Variants in REXO5 observed in about 807,000 individuals in gnomAD.
The protein encoded by REXO5 is RNA exonuclease 5.
REXO5 carries 48 observed loss-of-function variants against 88.5 expected under a neutral mutation model. That is an observed-to-expected ratio of 0.54 (90% CI 0.43 to 0.69). The LOEUF is 0.69. Ranked by LOEUF, REXO5 falls within the 30% of genes least tolerant of loss-of-function variation. The pLI is 0.00. For missense variants in REXO5, 749 were observed against 912.2 expected (o/e 0.82, Z 2.30); for synonymous variants, 311 against 336.5 (o/e 0.92, Z 0.83).
Position 20,831,614 on chromosome 16 carries a change from T to G in REXO5, c.1159-542T>G, listed in dbSNP as rs115592662. On this transcript the variant is annotated intron_variant, in intron 11 of 19. Transcript: ENST00000261377. ...TAAAAAAAAAGTTTATTTTTAAAAT[T>G]TGTAACTTTAAAAATTATTCTCTCT... is the stretch of plus-strand genomic sequence containing the variant. Among the ~76,000 whole-genome samples the G allele has an allele frequency of 2.0e-3, 303 of 152,332 alleles. 2 individuals are homozygous for G. The highest frequency in any genetic ancestry group is 6.9e-3 in the African/African-American group (289 of 41,584).
chr16:20,825,474 A>C (rs2081247091), intron 7 of REXO5: 1 of 165,642 alleles, frequency 6.0e-6, no homozygotes. Context: ...TGGCATATAT[A>C]AAATTCTTAG....
In REXO5 at chr16:20,822,675, T is replaced by C. The variant is rs981855545; in HGVS notation, c.616+773T>C. 1.3e-5 allele frequency among the ~76,000 whole-genome samples: 2 copies of C among 152,244 alleles called. 1 individual carries two copies. The highest frequency in any genetic ancestry group is 4.8e-5 in the African/African-American group (2 of 41,464). On this transcript the variant is annotated intron_variant, in intron 6 of 19. Coordinates refer to ENST00000261377, the MANE Select transcript of REXO5 (RefSeq NM_030941.3). The stretch of plus-strand genomic sequence containing the variant: ...TAAGTGGATGTGCAATATGTGGGCT[T>C]TGTGACTGGCTTCTTTAACTTAGCA...
chr16:20,814,960 C>T lies in REXO5; in HGVS notation c.285C>T (p.Asn95=), dbSNP rs1447082344. 6.2e-7 allele frequency: 1 copy of T among 1,613,550 alleles called. No individual in the cohort carries two copies. The highest frequency in any genetic ancestry group is 1.1e-5 in the South Asian group (1 of 90,896). ...AGCTTTTTCATCAAAACCACCTAAA[C>T]AACGTAGTGGTTTTTGTTCTGCAGG... ...WCQLFHQNHL[N]NVVVFVLQGM... is the part of the protein sequence containing the mutation. Residue 95 remains asparagine, a synonymous_variant, in exon 4 of 20, where the codon AAC becomes AAT. Coordinates refer to ENST00000261377, the MANE Select transcript of REXO5 (RefSeq NM_030941.3).
At chr16:20,838,361 T>G (rs148206580) in intron 13 of REXO5, among the ~76,000 whole-genome samples, 1 of 152,334 alleles carries the variant, frequency 6.6e-6, no homozygotes, top group Non-Finnish European at 1.5e-5. Flanking sequence ...GAAAGAGATC[T>G]TATAACTTTT....
rs544197095 is a variant in REXO5, at chr16:20,819,327, T to C, written c.476-2435T>C. Among the ~76,000 whole-genome samples, 8 of 152,254 alleles carry C rather than the reference T, an allele frequency of 5.3e-5. No homozygotes were observed. The South Asian group carries it at 1.5e-3, about 28-fold the overall frequency. On this transcript the variant is annotated intron_variant, in intron 5 of 19. Transcript: ENST00000261377. ...GATGCTCATAATTTTTTGGCCAGAA[T>C]TATTGTAAAGCCCTTTCTAGCCTCT...
chr16:20,836,346 C>T (rs2081429478), intron 13 of REXO5, among the ~76,000 whole-genome samples: 1 of 152,064 alleles, frequency 6.6e-6, no homozygotes, highest in South Asian at 2.1e-4. Flanking sequence ...ATAATTTTGC[C>T]TGTTTTAGAA....
intron 19 of REXO5, 148 bp downstream of exon 19, chr16:20,846,487 T>G: frequency 1.7e-6 from 1 of 596,996 alleles, no homozygotes. Context: ...AAGATAGGCA[T>G]TGTATTCCCA....
chr16:20,807,605 A>G (rs970691799), intron 2 of REXO5, among the ~76,000 whole-genome samples: 1 of 146,374 alleles, frequency 6.8e-6, no homozygotes, highest in African/African-American at 2.5e-5. Context: ...AAAAAAAAAA[A>G]AAACTGGGAT....
At chr16:20,834,189 A>G (rs2081389209) in intron 13 of REXO5, among the ~76,000 whole-genome samples, 1 of 152,224 alleles carries the variant, frequency 6.6e-6, no homozygotes, top group African/African-American at 2.4e-5. Context: ...TGTTGCATCC[A>G]GAGGCAGTTA....
chr16:20,806,899 G>A (rs904937595), intron 1 of REXO5, 53 bp from the exon 2 acceptor site: 1 of 1,533,312 alleles, frequency 6.5e-7, no homozygotes, highest in Non-Finnish European at 8.8e-7. Context: ...GGCGGCACGC[G>A]GGGGAATAGG....
chr16:20,838,477 G>GC (rs1430233622), intron 13 of REXO5, among the ~76,000 whole-genome samples: 2 of 152,284 alleles, frequency 1.3e-5, no homozygotes, highest in Admixed American at 1.3e-4. Context: ...CCCAGTTGTT[G>GC]TCTTTACAGA....
At chr16:20,844,123 C>A in intron 16 of REXO5, 97 bp downstream of exon 16, 1 of 714,452 alleles carries the variant, frequency 1.4e-6, no homozygotes, top group Non-Finnish European at 2.4e-6. Context: ...TCTCAAGAGG[C>A]CCACGCACAA....
At chr16:20,815,076 T>C in intron 4 of REXO5, 23 bp downstream of exon 4, 2 of 1,600,780 alleles carry the variant, frequency 1.2e-6, no homozygotes, top group Non-Finnish European at 1.7e-6. Context: ...TACTTTGTAC[T>C]AGGGGCTGAG....
intron 5 of REXO5, among the ~76,000 whole-genome samples, chr16:20,820,266 TTACTC>T (rs775994860): frequency 4.6e-5 from 7 of 152,050 alleles, no homozygotes; most frequent in Non-Finnish European, 1.0e-4. Flanking sequence ...CAAACCAAGT[TTACTC>T]TACATTTCTG....
At position 20,825,842 on chromosome 16, in the gene REXO5, T is replaced by A. The variant is rs1283861642; in HGVS notation, c.715T>A (p.Ser239Thr). ...CATGTTGGTCTTTCAGTGCCTCACA[T>A]CCAAGGGGAGAGAGCTAACACGCAT... ...FGLDCEMCLT[S>T]KGRELTRISL... Residue 239 changes from serine to threonine, a missense_variant, in exon 8 of 20, where the codon TCC becomes ACC. Physicochemically the swap from Ser to Thr is moderately conservative, Grantham distance 58. Coordinates refer to ENST00000261377, the MANE Select transcript of REXO5 (RefSeq NM_030941.3). 1 of 1,613,492 alleles carries A rather than the reference T, an allele frequency of 6.2e-7. No homozygotes were observed. Among genetic ancestry groups the A allele is most frequent in the African/African-American group, 1.3e-5 (1 of 75,034 alleles).
chr16:20,844,169 A>C lies in REXO5; in HGVS notation c.1719+143A>C, dbSNP rs996919634. 16 of 603,490 alleles carry C rather than the reference A, an allele frequency of 2.7e-5. No homozygotes were observed. The East Asian group carries it at 2.8e-4, about 11-fold the overall frequency. The allele number at this position is 603,490 out of a possible 1,614,324, so 37.4% of individuals were successfully genotyped here. A position where few individuals can be genotyped will look rare whatever the true frequency, so the allele number is the denominator to read the frequency against. On this transcript the variant is annotated intron_variant, in intron 16 of 19. Transcript: ENST00000261377. Reference sequence around the variant, plus strand: ...TGGAAAGTCTTCAGCCAAGTCTAACATTCTCCTACTGGCAGTGATTGAAGA... The same window carrying C: ...TGGAAAGTCTTCAGCCAAGTCTAACCTTCTCCTACTGGCAGTGATTGAAGA...
At chr16:20,818,210 C>G (rs2081110646) in intron 5 of REXO5, among the ~76,000 whole-genome samples, 1 of 152,136 alleles carries the variant, frequency 6.6e-6, no homozygotes, top group African/African-American at 2.4e-5. Flanking sequence ...CTTCAAAGCC[C>G]TTATCTTACC....
chr16:20,838,752 T>G (rs947353292), intron 13 of REXO5, among the ~76,000 whole-genome samples: 1 of 152,050 alleles, frequency 6.6e-6, no homozygotes, highest in African/African-American at 2.4e-5. Context: ...GCCTTCCGAG[T>G]CACGCAAAAC....
chr16:20,832,100 T>C (rs2081353750), intron 11 of REXO5, 56 bp from the exon 12 acceptor site: 1 of 1,144,064 alleles, frequency 8.7e-7, no homozygotes, highest in Non-Finnish European at 1.3e-6. Flanking sequence ...TTGTATTTAT[T>C]TGAGCATCAA....
Sources: gnomAD v4.1 joint callset for allele counts (sites outside exome capture counted in the v4.1 genomes callset) on GRCh38, gnomAD v4.1.1 for gene constraint, MANE v1.5 for transcripts, NCBI Gene and HGNC (gene_info 2026-07-23, HGNC 2026-07-21) for gene names.